The following TG variants were observed in gnomAD, a reference collection of about 807,000 sequenced individuals.
TG encodes thyroglobulin.
TG carries 270 observed loss-of-function variants against 324.7 expected under a neutral mutation model. The ratio of observed to expected loss-of-function variants is 0.83; its 90% confidence interval spans 0.75 to 0.92. The LOEUF (loss-of-function observed/expected upper bound fraction) is 0.92. Ranked by LOEUF, TG falls within the 40% of genes least tolerant of loss-of-function variation. TG has a pLI of 0.00. For missense variants in TG, 3,591 were observed against 3,456.4 expected (o/e 1.04, Z -0.98); for synonymous variants, 1,401 against 1,327.0 (o/e 1.06, Z -1.21).
chr8:132,924,872 T>C (rs1821610818), intron 22 of TG, among the ~76,000 whole-genome samples: 1 of 152,206 alleles, frequency 6.6e-6, no homozygotes, highest in African/African-American at 2.4e-5. Context: ...AGAAACAGTA[T>C]TTGCCCTGTT....
At position 133,012,034 on chromosome 8, in the gene TG, G is replaced by T. The variant is rs371610789; in HGVS notation, c.6396G>T (p.Ser2132=). ...CTGCTGTCCGAGACCTCTGTTTGTC[G>T]GGTAAGGGGAGTTTCCAACCCACAG... is the stretch of plus-strand genomic sequence containing the variant. ...NFSAVRDLCL[S]ECSQHEACLI... The change falls in exon 36 of 48, where the codon TCG becomes TCT. Residue 2132 remains serine, a splice_region_variant and synonymous_variant. Coordinates refer to ENST00000220616, the MANE Select transcript of TG (RefSeq NM_003235.5). The T allele has an allele frequency of 6.2e-7, 1 of 1,614,034 alleles. No individual in the cohort carries two copies. Among genetic ancestry groups the T allele is most frequent in the African/African-American group, 1.3e-5 (1 of 74,904 alleles).
intron 35 of TG, among the ~76,000 whole-genome samples, chr8:132,995,869 G>C (rs560716936): frequency 2.0e-5 from 3 of 152,296 alleles, no homozygotes; most frequent in East Asian, 3.9e-4. Flanking sequence ...CCCTAGAAGC[G>C]TCTTTGAAGT....
chr8:133,132,814 G>A (rs559999248), intron 46 of TG, among the ~76,000 whole-genome samples: 1 of 152,304 alleles, frequency 6.6e-6, no homozygotes, highest in Non-Finnish European at 1.5e-5. Context: ...CACTGAGGAA[G>A]TCACAGTTAA....
At chr8:133,007,472 C>A (rs1257822731) in intron 35 of TG, among the ~76,000 whole-genome samples, 1 of 151,818 alleles carries the variant, frequency 6.6e-6, no homozygotes, top group Non-Finnish European at 1.5e-5. Flanking sequence ...ATATAGCCAG[C>A]CAGATAAACA....
intron 12 of TG, 78 bp from the exon 13 acceptor site, chr8:132,898,091 A>G (rs1817380268): frequency 1.4e-6 from 2 of 1,387,794 alleles, no homozygotes; most frequent in Non-Finnish European, 2.0e-6. Context: ...TGAGTGAAGA[A>G]GGAAAGTTGT....
chr8:133,016,248 C>G lies in TG; in HGVS notation c.6563-1530C>G, dbSNP rs575918844. On this transcript the variant is annotated intron_variant, in intron 37 of 47. Transcript: ENST00000220616. Reference sequence around the variant, plus strand: ...AAGGACAGACATGATACCCAGGCTTCTCAACCTCAGAACCCGCTGACATTT... The same window carrying G: ...AAGGACAGACATGATACCCAGGCTTGTCAACCTCAGAACCCGCTGACATTT... 4.6e-5 allele frequency among the ~76,000 whole-genome samples: 7 copies of G among 152,324 alleles called. No individual in the cohort carries two copies. In the South Asian group the frequency reaches 1.5e-3, roughly 32 times the overall value.
intron 40 of TG, among the ~76,000 whole-genome samples, chr8:133,024,892 G>A (rs959324254): frequency 5.3e-5 from 8 of 151,320 alleles, no homozygotes; most frequent in East Asian, 3.8e-4. Context: ...TGTCTTTATC[G>A]TAGAATGATT....
rs753921202 is a variant in TG, at chr8:132,908,288, T to G, written c.3950T>G (p.Phe1317Cys). Residue 1317 changes from phenylalanine (F) to cysteine (C), a missense_variant, in exon 18 of 48, where the codon TTC becomes TGC. Physicochemically the swap from Phe to Cys is radical, Grantham distance 205. Transcript: ENST00000220616. ...SADYADLLQT[F>C]QVFILDELTA... ...GACTACGCGGATTTGCTGCAGACTT[T>G]CCAGGTTTTCATATTGGATGAGCTG... The G allele has an allele frequency of 1.2e-6, 2 of 1,613,492 alleles. No homozygotes were observed. The highest frequency in any genetic ancestry group is 2.7e-5 in the African/African-American group (2 of 74,894).
In TG at chr8:132,893,819, G is replaced by A. The variant is rs1368215364; in HGVS notation, c.2891G>A (p.Arg964Gln). Residue 964 changes from arginine (R) to glutamine (Q), a missense_variant, in exon 11 of 48, where the codon CGG (arginine) becomes CAG (glutamine). Coordinates refer to ENST00000220616, the MANE Select transcript of TG (RefSeq NM_003235.5). The stretch of plus-strand genomic sequence containing the variant: ...AGTTTCCTGGTGGCCAAGGGAATCC[G>A]GCTGAGGAATGAGGACCTCGGCCTT... The part of the protein sequence containing the change: ...GESFLVAKGI[R>Q]LRNEDLGLPP... 7 of 1,613,872 alleles carry A rather than the reference G, an allele frequency of 4.3e-6. No homozygotes were observed. The highest frequency in any genetic ancestry group is 1.7e-5 in the Admixed American group (1 of 59,998).
intron 35 of TG, chr8:132,988,598 G>T: frequency 1.9e-6 from 1 of 513,444 alleles, no homozygotes; most frequent in Non-Finnish European, 2.5e-6. Flanking sequence ...TTATATCAAC[G>T]GTGTATAGTG....
intron 35 of TG, chr8:132,988,789 G>A (rs1008019700): frequency 9.4e-5 from 93 of 985,408 alleles, no homozygotes; most frequent in African/African-American, 1.6e-4. Flanking sequence ...CTGTGTGATC[G>A]TCGCACCCCT....
chr8:133,125,864 A>G (rs537423718), intron 45 of TG, among the ~76,000 whole-genome samples: 1 of 152,326 alleles, frequency 6.6e-6, no homozygotes, highest in East Asian at 1.9e-4. Flanking sequence ...GCTAGCAGAG[A>G]GATAGTATTT....
At chr8:133,016,989 G>A (rs1209970714) in intron 37 of TG, among the ~76,000 whole-genome samples, 1 of 152,224 alleles carries the variant, frequency 6.6e-6, no homozygotes, top group African/African-American at 2.4e-5. Context: ...TGAAAAAATG[G>A]GCAGGAGGGC....
chr8:132,916,684 G>C (rs1279370572), intron 20 of TG, among the ~76,000 whole-genome samples: 2 of 152,320 alleles, frequency 1.3e-5, no homozygotes, highest in Non-Finnish European at 1.5e-5. Context: ...AGGGAGCAGA[G>C]ACCTTATTTG....
chr8:133,020,556 G>C (rs871162), intron 39 of TG, among the ~76,000 whole-genome samples: 2 of 152,004 alleles, frequency 1.3e-5, no homozygotes, highest in Admixed American at 1.3e-4. Flanking sequence ...CACAGAACAG[G>C]ACAAATGAAC....
chr8:133,054,799 C>T (rs1841059232), intron 41 of TG, among the ~76,000 whole-genome samples: 1 of 152,078 alleles, frequency 6.6e-6, no homozygotes, highest in African/African-American at 2.4e-5. Flanking sequence ...GAAACGAATC[C>T]ACAAAGGGGA....
At chr8:133,089,426 G>A (rs1228574247) in intron 41 of TG, among the ~76,000 whole-genome samples, 1 of 152,162 alleles carries the variant, frequency 6.6e-6, no homozygotes, top group Admixed American at 6.6e-5. Context: ...AAAGGACCCA[G>A]TGACAGGAAA....
chr8:132,892,753 C>T (rs571629796), intron 10 of TG, among the ~76,000 whole-genome samples: 4 of 148,428 alleles, frequency 2.7e-5, no homozygotes, highest in African/African-American at 1.0e-4. Flanking sequence ...GGTGTGTGCA[C>T]TTATGTGTGT....
intron 8 of TG, 29 bp downstream of exon 8, chr8:132,883,028 C>A: frequency 1.2e-6 from 2 of 1,608,254 alleles, no homozygotes; most frequent in Non-Finnish European, 1.7e-6. Flanking sequence ...CTTCCTCTTT[C>A]GGCCTCGGAT....
Sources: allele counts gnomAD v4.1 joint callset (sites outside exome capture counted in the v4.1 genomes callset), GRCh38; gene constraint gnomAD v4.1.1; transcripts MANE v1.5; gene names NCBI Gene and HGNC (gene_info 2026-07-23, HGNC 2026-07-21).